Variants in MAN1A1 observed in about 807,000 individuals in gnomAD.
The protein encoded by MAN1A1 is mannosyl-oligosaccharide 1,2-alpha-mannosidase IA.
MAN1A1 carries 29 observed loss-of-function variants against 70.8 expected under a neutral mutation model. The observed-to-expected ratio is 0.41, with a 90% CI of 0.31 to 0.56. The LOEUF is 0.56. MAN1A1 is among the 20% of genes least tolerant of loss of function. The pLI is 0.29. For missense variants in MAN1A1, 747 were observed against 841.3 expected, an observed-to-expected ratio of 0.89 and a Z score of 1.39; for synonymous variants, 349 against 330.1, an observed-to-expected ratio of 1.06 and a Z score of -0.62.
chr6:119,259,381 C>A (rs1156936999), intron 5 of MAN1A1, among the ~76,000 whole-genome samples: 1 of 152,140 alleles, frequency 6.6e-6, no homozygotes, highest in African/African-American at 2.4e-5. Context: ...CAATTAATTA[C>A]CATATTATGT....
chr6:119,219,940 T>A (rs996727708), intron 6 of MAN1A1, among the ~76,000 whole-genome samples: 13 of 152,116 alleles, frequency 8.5e-5, no homozygotes, highest in Non-Finnish European at 7.4e-5. Flanking sequence ...GGTGATTTTT[T>A]TTTTTTTCCT....
chr6:119,295,882 T>C (rs1294829212), intron 4 of MAN1A1, among the ~76,000 whole-genome samples: 1 of 152,118 alleles, frequency 6.6e-6, no homozygotes, highest in East Asian at 1.9e-4. Context: ...TTCACCAAAA[T>C]CCAATGTAAA....
chr6:119,210,058 C>T (rs1401886628), intron 6 of MAN1A1, among the ~76,000 whole-genome samples: 1 of 152,118 alleles, frequency 6.6e-6, no homozygotes, highest in African/African-American at 2.4e-5. Context: ...GAGCTGAAAC[C>T]GAAGATGTAA....
intron 6 of MAN1A1, among the ~76,000 whole-genome samples, chr6:119,234,363 A>G (rs1329962284): frequency 6.6e-6 from 1 of 151,776 alleles, no homozygotes; most frequent in African/African-American, 2.4e-5. Context: ...CTCATTTTTA[A>G]GAATTGTGTT....
intron 2 of MAN1A1, among the ~76,000 whole-genome samples, chr6:119,312,079 A>G (rs759264778): frequency 4.6e-5 from 7 of 152,146 alleles, no homozygotes; most frequent in Non-Finnish European, 7.3e-5. Flanking sequence ...ATGAAAGGGA[A>G]GAAGTTCTGT....
At chr6:119,247,002 C>T (rs1435778272) in intron 6 of MAN1A1, among the ~76,000 whole-genome samples, 2 of 152,060 alleles carry the variant, frequency 1.3e-5, no homozygotes, top group Non-Finnish European at 2.9e-5. Flanking sequence ...CTCCCCACAC[C>T]TATAGATAGG....
At chr6:119,255,393 T>C (rs763084657) in intron 5 of MAN1A1, among the ~76,000 whole-genome samples, 10 of 152,192 alleles carry the variant, frequency 6.6e-5, no homozygotes, top group Non-Finnish European at 1.5e-4. Flanking sequence ...ACAACAAATA[T>C]CTTTGGCTGC....
At chr6:119,290,594 C>A (rs189599080) in intron 5 of MAN1A1, 89 bp downstream of exon 5, 2 of 849,848 alleles carry the variant, frequency 2.4e-6, no homozygotes, top group African/African-American at 1.7e-5. Flanking sequence ...TAGATTCCTT[C>A]TAAATATATG....
At chr6:119,255,782 T>C (rs1775441214) in intron 5 of MAN1A1, among the ~76,000 whole-genome samples, 1 of 152,240 alleles carries the variant, frequency 6.6e-6, no homozygotes, top group African/African-American at 2.4e-5. Flanking sequence ...CTCTCCCCTG[T>C]GGGCACACAT....
At chr6:119,186,023 A>G (rs904490164) in intron 11 of MAN1A1, among the ~76,000 whole-genome samples, 5 of 152,052 alleles carry the variant, frequency 3.3e-5, no homozygotes, top group Admixed American at 3.3e-4. Context: ...TGAGGAAAGG[A>G]AGAGATGGCA....
At chr6:119,183,733 CCT>C (rs1358751385) in intron 11 of MAN1A1, among the ~76,000 whole-genome samples, 2 of 151,920 alleles carry the variant, frequency 1.3e-5, no homozygotes, top group Non-Finnish European at 2.9e-5. Flanking sequence ...TCTAGTTCAC[CCT>C]CTCATTCTTG....
In MAN1A1 at chr6:119,179,714, C is replaced by A; in HGVS notation, c.*105G>T. On this transcript the variant is annotated 3_prime_UTR_variant, in exon 13 of 13. Coordinates refer to ENST00000368468, the MANE Select transcript of MAN1A1 (RefSeq NM_005907.4). Reference sequence around the variant, plus strand: ...CTGCAAAACAATTTAAGAACTTAATCACAGACCTACTAATCAAAGTTCATC... The same window carrying A: ...CTGCAAAACAATTTAAGAACTTAATAACAGACCTACTAATCAAAGTTCATC... 9.4e-7 allele frequency: 1 copy of A among 1,066,980 alleles called. No individual in the cohort carries two copies. Among genetic ancestry groups the A allele is most frequent in the South Asian group, 1.5e-5 (1 of 65,602 alleles). The allele number at this position is 1,066,980 out of a possible 1,614,324, so 66.1% of individuals were successfully genotyped here.
chr6:119,249,603 AG>A (rs879554363), intron 5 of MAN1A1, among the ~76,000 whole-genome samples: 1 of 151,730 alleles, frequency 6.6e-6, no homozygotes, highest in East Asian at 1.9e-4. Context: ...GTTCTCTGTC[AG>A]CCACTGGGGA....
intron 2 of MAN1A1, among the ~76,000 whole-genome samples, chr6:119,345,429 C>A (rs1169826108): frequency 6.6e-6 from 1 of 152,080 alleles, no homozygotes; most frequent in Non-Finnish European, 1.5e-5. Flanking sequence ...GGTTAATTTA[C>A]AAAATTTTAA....
At chr6:119,194,287 A>G (rs148422714) in intron 8 of MAN1A1, among the ~76,000 whole-genome samples, 2 of 152,306 alleles carry the variant, frequency 1.3e-5, no homozygotes, top group African/African-American at 4.8e-5. Context: ...TCTTTTTTAG[A>G]AGGTGGTTTG....
intron 2 of MAN1A1, among the ~76,000 whole-genome samples, chr6:119,341,008 C>T (rs911778343): frequency 7.2e-5 from 11 of 152,126 alleles, no homozygotes; most frequent in Admixed American, 6.5e-4. Context: ...AGGAAGGATA[C>T]GTGTACTTTT....
Position 119,201,180 on chromosome 6 carries a change from T to C in MAN1A1, c.1210+74A>G, listed in dbSNP as rs1005719442. The C allele has an allele frequency of 3.7e-6, 4 of 1,093,346 alleles. No homozygotes were observed. In the Middle Eastern group the frequency reaches 6.1e-4, roughly 167 times the overall value. The allele number at this position is 1,093,346 out of a possible 1,614,324, so 67.7% of individuals were successfully genotyped here. ...AAACATTTCTCAACAAAATCTGTGC[T>C]GCTTTTGTGCTTCCTCTCTCTCCAC... On this transcript the variant is annotated intron_variant, in intron 8 of 12. Coordinates refer to ENST00000368468, the MANE Select transcript of MAN1A1 (RefSeq NM_005907.4).
At position 119,306,819 on chromosome 6, in the gene MAN1A1, G is replaced by C. The variant is rs901733951; in HGVS notation, c.700+77C>G. On this transcript the variant is annotated intron_variant, in intron 3 of 12. Coordinates refer to ENST00000368468, the MANE Select transcript of MAN1A1 (RefSeq NM_005907.4). ...ATGGCCTGGAGGGCCATGTTACACAGACTTCTCCACCATCCATAAGCTCAA... is the reference window on the plus strand; with the variant it reads ...ATGGCCTGGAGGGCCATGTTACACACACTTCTCCACCATCCATAAGCTCAA... 3.3e-5 allele frequency: 34 copies of C among 1,041,880 alleles called. 1 individual carries two copies. In the African/African-American group the frequency reaches 4.5e-4, roughly 14 times the overall value. 64.5% of individuals were successfully genotyped at this position (1,041,880 alleles called of 1,614,324 possible).
At chr6:119,234,046 T>G (rs1017669335) in intron 6 of MAN1A1, among the ~76,000 whole-genome samples, 1 of 152,158 alleles carries the variant, frequency 6.6e-6, no homozygotes, top group African/African-American at 2.4e-5. Context: ...ATCCCCACAT[T>G]TGCTGATTTT....
Sources: gnomAD v4.1 joint callset for allele counts (sites outside exome capture counted in the v4.1 genomes callset) on GRCh38, gnomAD v4.1.1 for gene constraint, MANE v1.5 for transcripts, NCBI Gene and HGNC (gene_info 2026-07-23, HGNC 2026-07-21) for gene names.